The following LRRC27 variants were observed in gnomAD, a reference collection of about 807,000 sequenced individuals.
LRRC27 encodes leucine-rich repeat-containing protein 27.
In LRRC27, 57 loss-of-function variants were observed where a neutral mutation model predicts 55.0. The observed-to-expected ratio is 1.04, with a 90% CI of 0.84 to 1.29. LRRC27 has a LOEUF of 1.29. LRRC27 is among the 50% of genes most tolerant of loss of function. The pLI, the probability that LRRC27 is intolerant of heterozygous loss-of-function variation, is 0.00. For missense variants in LRRC27, 721 were observed against 651.5 expected, an observed-to-expected ratio of 1.11 and a Z score of -1.16; for synonymous variants, 278 against 251.9, an observed-to-expected ratio of 1.10 and a Z score of -0.98.
intron 8 of LRRC27, among the ~76,000 whole-genome samples, chr10:132,357,114 T>A (rs1036537681): frequency 1.3e-5 from 2 of 151,792 alleles, no homozygotes; most frequent in Non-Finnish European, 2.9e-5. Flanking sequence ...TGTTTCCGTC[T>A]CCCCCCGGCC....
intron 2 of LRRC27, chr10:132,337,231 G>A (rs1318734514): frequency 1.7e-5 from 20 of 1,177,472 alleles, no homozygotes; most frequent in African/African-American, 9.7e-5. Flanking sequence ...CTGGAGAAAC[G>A]GCCGAGACAC....
chr10:132,347,485 C>T (rs76119212), intron 5 of LRRC27, among the ~76,000 whole-genome samples: 12,644 of 150,304 alleles, frequency 0.084, 637 homozygotes, highest in African/African-American at 0.15. Flanking sequence ...TCCTGTGGGG[C>T]TTGTGTGGGA....
At chr10:132,341,544 T>C (rs997075919) in intron 3 of LRRC27, among the ~76,000 whole-genome samples, 17 of 152,202 alleles carry the variant, frequency 1.1e-4, no homozygotes, top group Admixed American at 4.6e-4. Flanking sequence ...CATGATATAT[T>C]TTGGGCTGCA....
chr10:132,355,066 C>T (rs1433316951), intron 7 of LRRC27, among the ~76,000 whole-genome samples: 1 of 152,132 alleles, frequency 6.6e-6, no homozygotes, highest in Admixed American at 6.5e-5. Flanking sequence ...CCGAAGACGC[C>T]TGTTCTTGTC....
At chr10:132,352,957 G>C (rs949816152) in intron 7 of LRRC27, 3 of 1,613,830 alleles carry the variant, frequency 1.9e-6, no homozygotes, top group Non-Finnish European at 2.5e-6. Context: ...TTGTGTTGCT[G>C]TGACTGCCGC....
intron 8 of LRRC27, among the ~76,000 whole-genome samples, chr10:132,358,730 G>A (rs1338631744): frequency 6.7e-5 from 5 of 74,794 alleles, no homozygotes; most frequent in South Asian, 6.0e-4. Flanking sequence ...CCAAGGTGGT[G>A]GAGCAGCGTG....
In LRRC27 at chr10:132,333,567, G is replaced by C; in HGVS notation, c.43G>C (p.Ala15Pro). ...CTACGAAGTTCCCTCTGTGGCTGCT[G>C]CTGATCTGGAGGAGGGTGCTGGTCA... ...SSYEVPSVAA[A>P]DLEEGAGQTR... Residue 15 changes from alanine to proline, a missense_variant, in exon 2 of 11, where the codon GCT becomes CCT. Physicochemically the swap from Ala to Pro is conservative, Grantham distance 27. Transcript: ENST00000368614. 6.2e-7 allele frequency: 1 copy of C among 1,611,056 alleles called. No individual in the cohort carries two copies. The highest frequency in any genetic ancestry group is 2.2e-5 in the East Asian group (1 of 44,856).
chr10:132,359,803 G>C (rs2068524744), intron 8 of LRRC27, among the ~76,000 whole-genome samples: 1 of 152,230 alleles, frequency 6.6e-6, no homozygotes, highest in Admixed American at 6.5e-5. Context: ...GCCATGACTT[G>C]AGCCCATATT....
Position 132,374,998 on chromosome 10 carries a change from C to A in LRRC27, c.1417-68C>A. ...CCTGGGCCCCACGTGGAATCTGAGC[C>A]AGAGACGTGGTGACGCCCTAAGTCC... On this transcript the variant is annotated intron_variant, in intron 10 of 10. Transcript: ENST00000368614. The surrounding 1 kb of genome is among the most constrained non-coding windows in gnomAD (Gnocchi z 4.4). 6.7e-7 allele frequency: 1 copy of A among 1,490,892 alleles called. No individual in the cohort carries two copies. The highest frequency in any genetic ancestry group is 9.1e-7 in the Non-Finnish European group (1 of 1,094,650). The allele number at this position is 1,490,892 out of a possible 1,614,324, so 92.4% of individuals were successfully genotyped here.
intron 9 of LRRC27, among the ~76,000 whole-genome samples, chr10:132,364,393 C>CCACA (rs2068830323): frequency 1.2e-4 from 1 of 8,644 alleles, no homozygotes; most frequent in African/African-American, 4.3e-4. Context: ...TTACACCCAC[C>CCACA]CTTACATCTA....
intron 5 of LRRC27, among the ~76,000 whole-genome samples, chr10:132,347,660 CA>C (rs1238373568): frequency 1.6e-4 from 20 of 127,094 alleles, no homozygotes; most frequent in African/African-American, 5.2e-4. Context: ...GTGGGGCCTG[CA>C]GGGGAGGGTC....
Position 132,368,821 on chromosome 10 carries a change from A to G in LRRC27, c.1416+3271A>G, listed in dbSNP as rs187382811. 1.2e-4 allele frequency among the ~76,000 whole-genome samples: 18 copies of G among 152,354 alleles called. 1 individual carries two copies. In the East Asian group the frequency reaches 2.9e-3, roughly 24 times the overall value. ...TAAGCCGGGCTTCATTACAATCAAA[A>G]ACTTCTGTTCTATGTAAGACACTGC... On this transcript the variant is annotated intron_variant, in intron 10 of 10. Coordinates refer to ENST00000368614, the MANE Select transcript of LRRC27 (RefSeq NM_030626.3).
chr10:132,337,293 C>G, intron 2 of LRRC27: 1 of 1,258,072 alleles, frequency 7.9e-7, no homozygotes, highest in East Asian at 3.8e-5. Flanking sequence ...GGGATAGAAA[C>G]AGTGGTGTGC....
In LRRC27 at chr10:132,376,062, A is replaced by G. The variant is rs1385401174; in HGVS notation, c.*820A>G. 6.6e-6 allele frequency: 1 copy of G among 152,236 alleles called. No homozygotes were observed. The highest frequency in any genetic ancestry group is 1.5e-5 in the Non-Finnish European group (1 of 68,046). 9.4% of individuals were successfully genotyped at this position (152,236 alleles called of 1,614,324 possible). On this transcript the variant is annotated 3_prime_UTR_variant, in exon 11 of 11. Transcript: ENST00000368614. ...TTTATTTTTGTGTTAATTTTGGTAAATATGGTTTCAGTGAGTTTCCTCATT... is the reference window on the plus strand; with the variant it reads ...TTTATTTTTGTGTTAATTTTGGTAAGTATGGTTTCAGTGAGTTTCCTCATT...
intron 9 of LRRC27, among the ~76,000 whole-genome samples, chr10:132,364,423 ACCCACG>A (rs1564853309): frequency 2.0e-5 from 3 of 149,016 alleles, no homozygotes; most frequent in African/African-American, 7.5e-5. Context: ...CCGCGCTTAC[ACCCACG>A]CTTACATCTA....
chr10:132,376,798 C>G lies in LRRC27; in HGVS notation c.*1556C>G, dbSNP rs1006386887. ...GTGTGTCAGGTGACATTGACTAATC[C>G]TGTTGCTCAGAGCTCCTGTACCCTT... On this transcript the variant is annotated 3_prime_UTR_variant, in exon 11 of 11. Coordinates refer to ENST00000368614, the MANE Select transcript of LRRC27 (RefSeq NM_030626.3). The G allele has an allele frequency of 1.3e-5, 2 of 152,256 alleles. No homozygotes were observed. Among genetic ancestry groups the G allele is most frequent in the Non-Finnish European group, 2.9e-5 (2 of 68,068 alleles). The allele number at this position is 152,256 out of a possible 1,614,324, so 9.4% of individuals were successfully genotyped here.
chr10:132,380,191 G>A lies in LRRC27; in HGVS notation c.*4949G>A, dbSNP rs551777092. Among the ~76,000 whole-genome samples, 37 of 152,220 alleles carry A rather than the reference G, an allele frequency of 2.4e-4. No homozygotes were observed. The highest frequency in any genetic ancestry group is 4.0e-4 in the Non-Finnish European group (27 of 68,016). On this transcript the variant is annotated 3_prime_UTR_variant, in exon 11 of 11. Transcript: ENST00000368614. ...CATGCCTGTAACTCCAGCTACTTGG[G>A]AGGCTGAGGCAGGAGAATCACTTGA...
rs900078337 is a variant in LRRC27, at chr10:132,370,922, G to A, written c.1417-4144G>A. Among the ~76,000 whole-genome samples the A allele has an allele frequency of 4.6e-5, 7 of 152,262 alleles. No individual in the cohort carries two copies. In the South Asian group the frequency reaches 8.3e-4, roughly 18 times the overall value. On this transcript the variant is annotated intron_variant, in intron 10 of 10. Coordinates refer to ENST00000368614, the MANE Select transcript of LRRC27 (RefSeq NM_030626.3). ...GCAGGTGAAGTCTCGGGCTTTGCCA[G>A]AAGAGTGTGTCTTTCCTTAGAGCAG...
chr10:132,367,148 T>C (rs2069114956), intron 10 of LRRC27: 3 of 293,200 alleles, frequency 1.0e-5, no homozygotes, highest in Non-Finnish European at 1.6e-5. Flanking sequence ...ACAGATTTGA[T>C]AAATTTAGTG....
Sources: gnomAD v4.1 joint callset for allele counts (sites outside exome capture counted in the v4.1 genomes callset) on GRCh38, gnomAD v4.1.1 for gene constraint, Gnocchi (gnomAD v3.1) non-coding constraint, MANE v1.5 for transcripts, NCBI Gene and HGNC (gene_info 2026-07-23, HGNC 2026-07-21) for gene names.